Variants in DOCK9 observed in about 807,000 individuals in gnomAD.
DOCK9 encodes the protein dedicator of cytokinesis protein 9.
A neutral mutation model predicts 263.3 loss-of-function variants in DOCK9; 89 were observed. The observed-to-expected ratio is 0.34, with a 90% confidence interval of 0.28 to 0.40. The LOEUF (loss-of-function observed/expected upper bound fraction) is 0.40. Ranked by LOEUF, DOCK9 falls within the 10% of genes least tolerant of loss-of-function variation. The pLI is 1.00. For missense variants in DOCK9, 2,140 were observed against 2,603.4 expected (o/e 0.82, Z 3.87); for synonymous variants, 976 against 973.1 (o/e 1.00, Z -0.06).
Position 98,991,349 on chromosome 13 carries a change from C to T in DOCK9, c.130-35798G>A, listed in dbSNP as rs1447746424. On this transcript the variant is annotated intron_variant, in intron 1 of 32. Coordinates refer to the DOCK9 transcript ENST00000427887. The stretch of plus-strand genomic sequence containing the variant: ...CCTCCCAAAGTGCTGGGATTACAGG[C>T]GCGAGCCACCGCACTCGGCCGCAAA... 8.5e-5 allele frequency among the ~76,000 whole-genome samples: 13 copies of T among 152,194 alleles called. No homozygotes were observed. In the South Asian group the frequency reaches 2.5e-3, roughly 29 times the overall value.
intron 2 of DOCK9, among the ~76,000 whole-genome samples, chr13:98,932,474 AT>A (rs2054127638): frequency 6.6e-6 from 1 of 152,286 alleles, no homozygotes; most frequent in South Asian, 2.1e-4. Context: ...ACAAGCAAAC[AT>A]TTTGCTGAGA....
chr13:98,972,177 G>A (rs1268199321), intron 1 of DOCK9, among the ~76,000 whole-genome samples: 1 of 152,164 alleles, frequency 6.6e-6, no homozygotes, highest in Non-Finnish European at 1.5e-5. Flanking sequence ...AAAGAATAGA[G>A]CCTGCCTCCT....
intron 39 of DOCK9, among the ~76,000 whole-genome samples, chr13:98,833,392 G>A (rs2092846033): frequency 6.6e-6 from 1 of 152,130 alleles, no homozygotes; most frequent in Non-Finnish European, 1.5e-5. Flanking sequence ...AGCACTCTTT[G>A]CTGAGGCTAT....
In DOCK9 at chr13:98,838,687, T is replaced by C. The variant is rs560311959; in HGVS notation, c.4199-1078A>G. Among the ~76,000 whole-genome samples the C allele has an allele frequency of 1.7e-4, 26 of 152,290 alleles. No individual in the cohort carries two copies. The South Asian group carries it at 5.2e-3, about 30-fold the overall frequency. On this transcript the variant is annotated intron_variant, in intron 38 of 52. Transcript: ENST00000682017. ...TGGTATGCATTAGCAGAAATACATA[T>C]AGGGATGCAAAGATGTTACAGTATT...
intron 21 of DOCK9, among the ~76,000 whole-genome samples, chr13:98,884,292 C>A (rs952124803): frequency 1.3e-5 from 2 of 152,230 alleles, no homozygotes; most frequent in Non-Finnish European, 2.9e-5. Context: ...AAGGGTCAAT[C>A]GTCTGCTCAC....
chr13:98,970,132 C>T (rs1448780406), intron 1 of DOCK9, among the ~76,000 whole-genome samples: 1 of 119,124 alleles, frequency 8.4e-6, no homozygotes, highest in South Asian at 3.2e-4. Flanking sequence ...ATAGCTAGGA[C>T]TACAGGTCTG....
At chr13:98,812,900 A>C (rs561296483) in intron 45 of DOCK9, among the ~76,000 whole-genome samples, 5 of 152,372 alleles carry the variant, frequency 3.3e-5, no homozygotes, top group African/African-American at 1.2e-4. Flanking sequence ...AATAGGAAAT[A>C]AATGGCGATA....
intron 1 of DOCK9, among the ~76,000 whole-genome samples, chr13:98,964,318 G>A (rs920789162): frequency 2.0e-5 from 3 of 152,156 alleles, no homozygotes; most frequent in Non-Finnish European, 4.4e-5. Flanking sequence ...ACAGCACCCA[G>A]CATAGCAGAA....
intron 1 of DOCK9, among the ~76,000 whole-genome samples, chr13:98,974,623 G>A (rs1449406261): frequency 8.6e-5 from 13 of 151,386 alleles, no homozygotes; most frequent in Admixed American, 3.3e-4. Flanking sequence ...GGTGGCATGC[G>A]CCTGTAATTA....
At chr13:98,851,024 A>G (rs540610192) in intron 35 of DOCK9, among the ~76,000 whole-genome samples, 4 of 152,228 alleles carry the variant, frequency 2.6e-5, no homozygotes, top group African/African-American at 9.6e-5. Context: ...ACAGGCTTTC[A>G]CTCTACACTT....
chr13:98,882,924 G>C (rs1259986177), intron 23 of DOCK9, 118 bp downstream of exon 23: 1 of 767,666 alleles, frequency 1.3e-6, no homozygotes, highest in African/African-American at 1.8e-5. Context: ...AGAAGCTACT[G>C]ATGTGAGACA....
chr13:98,887,408 A>G (rs2045933960), intron 18 of DOCK9, among the ~76,000 whole-genome samples: 4 of 151,204 alleles, frequency 2.6e-5, no homozygotes, highest in South Asian at 4.2e-4. Flanking sequence ...CACGGTCAGG[A>G]GATCGAGACC....
At chr13:99,016,022 T>C (rs1314210819) in intron 1 of DOCK9, 1 of 156,758 alleles carries the variant, frequency 6.4e-6, no homozygotes, top group Non-Finnish European at 1.4e-5. Flanking sequence ...AAAAAGACAG[T>C]GCCAGACAGC....
chr13:98,798,089 C>G (rs1208509748), intron 50 of DOCK9, among the ~76,000 whole-genome samples: 1 of 152,178 alleles, frequency 6.6e-6, no homozygotes, highest in Non-Finnish European at 1.5e-5. Flanking sequence ...AACCCTGCAC[C>G]ACCCTTGCAA....
At chr13:98,810,436 C>A (rs1198021379) in intron 45 of DOCK9, 145 bp from the exon 46 acceptor site, 27 of 1,039,140 alleles carry the variant, frequency 2.6e-5, no homozygotes, top group Middle Eastern at 6.3e-4. Context: ...TCCACACTTA[C>A]AACAACATTC....
At chr13:99,023,192 T>G (rs7325011) in intron 1 of DOCK9, among the ~76,000 whole-genome samples, 79,694 of 152,074 alleles carry the variant, frequency 0.52, 21,172 homozygotes, top group South Asian at 0.68. Flanking sequence ...TTCACAATAG[T>G]CAGCGTTATT....
intron 1 of DOCK9, among the ~76,000 whole-genome samples, chr13:99,037,319 C>A (rs1339790333): frequency 6.6e-6 from 1 of 152,000 alleles, no homozygotes; most frequent in South Asian, 2.1e-4. Flanking sequence ...AAGATTGGAA[C>A]AAACATTTCG....
intron 27 of DOCK9, among the ~76,000 whole-genome samples, chr13:98,869,578 G>C (rs147824536): frequency 1.3e-5 from 2 of 152,164 alleles, no homozygotes; most frequent in Non-Finnish European, 2.9e-5. Flanking sequence ...CCACAAGAGG[G>C]GGGTATTTTC....
chr13:99,038,288 C>CTTTTTTTTTTTTTTTT (rs71419743), intron 1 of DOCK9, among the ~76,000 whole-genome samples: 1 of 86,264 alleles, frequency 1.2e-5, no homozygotes, highest in Non-Finnish European at 2.2e-5. Context: ...TTATGCCCCC[C>CTTTTTTTTTTTTTTTT]TTTTTTTTTT....
Sources: allele counts gnomAD v4.1 joint callset (sites outside exome capture counted in the v4.1 genomes callset), GRCh38; gene constraint gnomAD v4.1.1; transcripts MANE v1.5; gene names NCBI Gene and HGNC (gene_info 2026-07-23, HGNC 2026-07-21).